CSMD3: variants seen among roughly 807,000 people sequenced by gnomAD.
The protein encoded by CSMD3 is CUB and Sushi multiple domains 3.
A neutral mutation model predicts 435.2 loss-of-function variants in CSMD3; 177 were observed. The ratio of observed to expected loss-of-function variants is 0.41; its 90% confidence interval spans 0.36 to 0.46. The LOEUF is 0.46. Ranked by LOEUF, CSMD3 falls within the 20% of genes least tolerant of loss-of-function variation. The pLI is 0.34. For missense variants in CSMD3, 4,265 were observed against 4,504.6 expected (o/e 0.95, Z 1.52); for synonymous variants, 1,656 against 1,520.5 (o/e 1.09, Z -2.07).
chr8:112,978,354 C>T (rs749310472), intron 6 of CSMD3, among the ~76,000 whole-genome samples: 1 of 151,866 alleles, frequency 6.6e-6, no homozygotes, highest in Non-Finnish European at 1.5e-5. Flanking sequence ...GTCAATAAAT[C>T]TGAGATAATC....
intron 13 of CSMD3, among the ~76,000 whole-genome samples, chr8:112,739,812 A>G (rs2077264141): frequency 6.6e-6 from 1 of 151,860 alleles, no homozygotes; most frequent in East Asian, 1.9e-4. Context: ...TATACATTTA[A>G]GTGTTTGAAT....
chr8:113,082,672 G>T (rs1159001951), intron 5 of CSMD3, among the ~76,000 whole-genome samples: 1 of 152,094 alleles, frequency 6.6e-6, no homozygotes, highest in Non-Finnish European at 1.5e-5. Flanking sequence ...AGGAAACTCA[G>T]TGAGAAGCAA....
intron 22 of CSMD3, among the ~76,000 whole-genome samples, chr8:112,627,651 T>A (rs777602356): frequency 8.5e-5 from 13 of 152,184 alleles, no homozygotes; most frequent in Non-Finnish European, 1.9e-4. Context: ...TTAGGAGTCT[T>A]CTATTTTAAG....
rs538476683 is a variant in CSMD3 at position 113,377,382 on chromosome 8, G to A, written c.178+59295C>T. Reference sequence around the variant, plus strand: ...AGTATACACATGAAGTATTCCAGTTGTAAAATAATATCTGAAAGTGATTTA... The same window carrying A: ...AGTATACACATGAAGTATTCCAGTTATAAAATAATATCTGAAAGTGATTTA... On this transcript the variant is annotated intron_variant, in intron 1 of 70. Coordinates refer to ENST00000297405, the MANE Select transcript of CSMD3 (RefSeq NM_198123.2). 1.2e-4 allele frequency among the ~76,000 whole-genome samples: 18 copies of A among 152,248 alleles called. No individual in the cohort carries two copies. The South Asian group carries it at 3.7e-3, about 32-fold the overall frequency.
intron 1 of CSMD3, among the ~76,000 whole-genome samples, chr8:113,415,889 G>A (rs936116672): frequency 6.6e-6 from 1 of 151,860 alleles, no homozygotes; most frequent in African/African-American, 2.4e-5. Context: ...AATCAAATCA[G>A]TTTTCAATAT....
rs573291445 is a variant in CSMD3 at position 112,657,618 on chromosome 8, C to G, written c.2817-1277G>C. ...TCTTCCCTTGCACTTCAGGGTTATACTATATCCTGAATCTAGATCCAAGAT... is the reference window on the plus strand; with the variant it reads ...TCTTCCCTTGCACTTCAGGGTTATAGTATATCCTGAATCTAGATCCAAGAT... On this transcript the variant is annotated intron_variant, in intron 17 of 70. Coordinates refer to ENST00000297405, the MANE Select transcript of CSMD3 (RefSeq NM_198123.2). Among the ~76,000 whole-genome samples the G allele has an allele frequency of 4.6e-5, 7 of 152,248 alleles. No homozygotes were observed. The South Asian group carries it at 1.4e-3, about 32-fold the overall frequency.
At chr8:112,328,101 G>T (rs1237591796) in intron 45 of CSMD3, among the ~76,000 whole-genome samples, 2 of 152,146 alleles carry the variant, frequency 1.3e-5, no homozygotes, top group South Asian at 4.1e-4. Context: ...AAATAACGTT[G>T]CATATTCCCT....
intron 13 of CSMD3, among the ~76,000 whole-genome samples, chr8:112,720,809 G>A (rs1261046288): frequency 6.6e-6 from 1 of 152,128 alleles, no homozygotes; most frequent in Non-Finnish European, 1.5e-5. Flanking sequence ...AATATTCTAA[G>A]ATAAATTTAT....
At chr8:112,331,135 A>C (rs1586789774) in intron 45 of CSMD3, among the ~76,000 whole-genome samples, 1 of 152,098 alleles carries the variant, frequency 6.6e-6, no homozygotes, top group Non-Finnish European at 1.5e-5. Context: ...GGTTGTTACC[A>C]CTAATATAGT....
chr8:112,845,746 G>A, intron 11 of CSMD3, among the ~76,000 whole-genome samples: 1 of 152,052 alleles, frequency 6.6e-6, no homozygotes, highest in African/African-American at 2.4e-5. Context: ...TGGAAAGCTG[G>A]TTATTAATCC....
Position 112,447,679 on chromosome 8 carries a change from TATACATGCAAAA to T in CSMD3, c.5395+24900_5395+24911del, listed in dbSNP as rs1425809511. Among the ~76,000 whole-genome samples, 23 of 152,284 alleles carry T rather than the reference TATACATGCAAAA, an allele frequency of 1.5e-4. No individual in the cohort carries two copies. The East Asian group carries it at 4.3e-3, about 28-fold the overall frequency. On this transcript the variant is annotated intron_variant, in intron 32 of 70. Transcript: ENST00000297405. Reference sequence around the variant, plus strand: ...ACAAAATTCAGTCTTTGATTTAATATATACATGCAAAAATACATGCAAAATACCATTTGTGCA... The same window carrying T: ...ACAAAATTCAGTCTTTGATTTAATATATACATGCAAAATACCATTTGTGCA...
intron 5 of CSMD3, among the ~76,000 whole-genome samples, chr8:113,091,529 T>A (rs1275131091): frequency 6.6e-6 from 1 of 152,084 alleles, no homozygotes; most frequent in East Asian, 1.9e-4. Context: ...TTTAACAGTT[T>A]CTTCTAGATT....
intron 13 of CSMD3, among the ~76,000 whole-genome samples, chr8:112,745,288 A>T (rs906347951): frequency 6.6e-6 from 1 of 152,142 alleles, no homozygotes; most frequent in African/African-American, 2.4e-5. Flanking sequence ...TGTAGTTCCT[A>T]GGTTTTCTTC....
intron 63 of CSMD3, 48 bp downstream of exon 63, chr8:112,254,205 G>T (rs754808277): frequency 7.9e-7 from 1 of 1,265,050 alleles, no homozygotes; most frequent in Non-Finnish European, 1.2e-6. Context: ...AACCAAAGAC[G>T]CATTCTGACC....
intron 53 of CSMD3, among the ~76,000 whole-genome samples, chr8:112,300,313 T>A (rs997128711): frequency 6.7e-6 from 1 of 149,014 alleles, no homozygotes; most frequent in Non-Finnish European, 1.5e-5. Flanking sequence ...TAAAAATTTA[T>A]ATGTAAACTA....
intron 32 of CSMD3, among the ~76,000 whole-genome samples, chr8:112,462,000 GTTTTTATTTTATAT>G (rs1817496632): frequency 6.6e-6 from 1 of 150,774 alleles, no homozygotes; most frequent in South Asian, 2.2e-4. Flanking sequence ...GGGGACAAAA[GTTTTTATTTTATAT>G]ATCAAGAAAA....
intron 45 of CSMD3, among the ~76,000 whole-genome samples, chr8:112,328,090 G>C (rs896791198): frequency 6.6e-6 from 1 of 152,176 alleles, no homozygotes; most frequent in African/African-American, 2.4e-5. Context: ...ACAGAGGACA[G>C]AAATAACGTT....
chr8:112,784,957 A>C (rs2078499360), intron 13 of CSMD3, among the ~76,000 whole-genome samples: 1 of 152,056 alleles, frequency 6.6e-6, no homozygotes, highest in Non-Finnish European at 1.5e-5. Flanking sequence ...AAGACACATC[A>C]GAAAAAGAAA....
chr8:112,689,830 A>G lies in CSMD3; in HGVS notation c.2155+38T>C, dbSNP rs1215182690. ...AAGCAATTATATGCAAGGACAGGGT[A>G]ACATATGCTATCTGGAAGCAAAGCA... On this transcript the variant is annotated intron_variant, in intron 14 of 70. Transcript: ENST00000297405. The G allele has an allele frequency of 2.6e-6, 4 of 1,563,408 alleles. No individual in the cohort carries two copies. In the Admixed American group the frequency reaches 5.0e-5, roughly 20 times the overall value.
Sources: allele counts gnomAD v4.1 joint callset (sites outside exome capture counted in the v4.1 genomes callset), GRCh38; gene constraint gnomAD v4.1.1; transcripts MANE v1.5; gene names NCBI Gene and HGNC (gene_info 2026-07-23, HGNC 2026-07-21).